C1QTNF1: variants seen among roughly 807,000 people sequenced by gnomAD.
C1QTNF1 encodes complement C1q tumor necrosis factor-related protein 1.
C1QTNF1 carries 22 observed loss-of-function variants against 27.8 expected under a neutral mutation model. The ratio of observed to expected loss-of-function variants is 0.79; its 90% confidence interval spans 0.56 to 1.13. The LOEUF (loss-of-function observed/expected upper bound fraction) is 1.13. C1QTNF1 is among the 50% of genes most tolerant of loss of function. The pLI is 0.00. For synonymous variants in C1QTNF1, 166 were observed against 154.3 expected, an observed-to-expected ratio of 1.08 and a Z score of -0.56; for missense variants, 373 against 380.2, an observed-to-expected ratio of 0.98 and a Z score of 0.16.
At chr17:79,041,513 C>T (rs923293151) in intron 1 of C1QTNF1, among the ~76,000 whole-genome samples, 3 of 152,180 alleles carry the variant, frequency 2.0e-5, no homozygotes, top group Non-Finnish European at 2.9e-5. Context: ...GGCCGTGGCT[C>T]ACGCCTGGAA....
intron 1 of C1QTNF1, among the ~76,000 whole-genome samples, chr17:79,041,316 T>C (rs2072401819): frequency 6.6e-6 from 1 of 151,884 alleles, no homozygotes; most frequent in Non-Finnish European, 1.5e-5. Context: ...TGGTGAAGAC[T>C]GGGTGTAGGT....
At position 79,044,000 on chromosome 17, in the gene C1QTNF1, C is replaced by T. The variant is rs1287641888; in HGVS notation, c.32C>T (p.Ala11Val). Residue 11 changes from alanine (A) to valine (V), a missense_variant, in exon 2 of 4, where the codon GCG (alanine) becomes GTG (valine). Transcript: ENST00000579760. MGSRGQGLLL[A>V]YCLLLAFASG... ...TCCCGTGGACAGGGACTCTTGCTGG[C>T]GTACTGCCTGCTCCTTGCCTTTGCC... The T allele has an allele frequency of 2.1e-5, 34 of 1,614,048 alleles. No homozygotes were observed. Among genetic ancestry groups the T allele is most frequent in the African/African-American group, 2.7e-5 (2 of 74,924 alleles).
chr17:79,037,920 C>T (rs191315961), intron 1 of C1QTNF1, among the ~76,000 whole-genome samples: 1 of 152,158 alleles, frequency 6.6e-6, no homozygotes, highest in East Asian at 1.9e-4. Context: ...AATCTACCCA[C>T]CTTGGCCTCC....
chr17:79,043,692 G>A (rs1209686022), intron 1 of C1QTNF1: 1 of 587,276 alleles, frequency 1.7e-6, no homozygotes, highest in Non-Finnish European at 3.2e-6. Context: ...TTGAGTGTGT[G>A]CATGTGTGGG....
At chr17:79,031,795 G>A (rs12949190) in intron 1 of C1QTNF1, among the ~76,000 whole-genome samples, 8,734 of 152,316 alleles carry the variant, frequency 0.057, 346 homozygotes, top group Middle Eastern at 0.13. Context: ...TGTAACCTTG[G>A]TGAATGGAGG....
At position 79,046,789 on chromosome 17, in the gene C1QTNF1, G is replaced by A. The variant is rs1419828532; in HGVS notation, c.295+95G>A. On this transcript the variant is annotated intron_variant, in intron 3 of 3. Coordinates refer to ENST00000579760, the MANE Select transcript of C1QTNF1 (RefSeq NM_030968.5). This position sits in a 1 kb window ranked among gnomAD's most constrained non-coding sequence, Gnocchi z 4.8. ...GTCGTTAGGGTGGGGCTAGGCGAGA[G>A]CAGAATGGCTCCCTCGGGACAGGGA... 1.3e-6 allele frequency: 2 copies of A among 1,498,586 alleles called. No homozygotes were observed. Among genetic ancestry groups the A allele is most frequent in the East Asian group, 2.3e-5 (1 of 43,754 alleles). The allele number at this position is 1,498,586 out of a possible 1,614,324, so 92.8% of individuals were successfully genotyped here.
intron 2 of C1QTNF1, among the ~76,000 whole-genome samples, chr17:79,045,439 G>C (rs942368583): frequency 6.6e-6 from 1 of 152,218 alleles, no homozygotes; most frequent in Non-Finnish European, 1.5e-5. Flanking sequence ...AAGAATGCCA[G>C]AGGGAGGCAG....
At chr17:79,034,577 G>A (rs932275727) in intron 1 of C1QTNF1, 1 of 152,270 alleles carries the variant, frequency 6.6e-6, no homozygotes, top group Non-Finnish European at 1.5e-5. Context: ...AAGATGGGAG[G>A]GAGATGCTTT....
Position 79,030,479 on chromosome 17 carries a change from CTTTCTT to C in C1QTNF1, c.-15+5993_-15+5998del, listed in dbSNP as rs1482029294. Among the ~76,000 whole-genome samples, 221 of 110,070 alleles carry C rather than the reference CTTTCTT, an allele frequency of 2.0e-3. 1 individual carries two copies. The highest frequency in any genetic ancestry group is 7.0e-3 in the African/African-American group (202 of 28,764). 72.2% of individuals were successfully genotyped at this position (110,070 alleles called of 152,430 possible). A position where few individuals can be genotyped will look rare whatever the true frequency, so the allele number is the denominator to read the frequency against. On this transcript the variant is annotated intron_variant, in intron 1 of 3. Coordinates refer to ENST00000579760, the MANE Select transcript of C1QTNF1 (RefSeq NM_030968.5). Reference sequence around the variant, plus strand: ...CTTTCTTTTCTTTCTTTCTTTCTTTCTTTCTTTTTCTTTCTTTCTTTCTTTCTTTCT... The same window carrying C: ...CTTTCTTTTCTTTCTTTCTTTCTTTCTTTCTTTCTTTCTTTCTTTCTTTCT...
At chr17:79,025,534 C>T (rs1010723481) in intron 1 of C1QTNF1, 3 of 152,320 alleles carry the variant, frequency 2.0e-5, no homozygotes, top group Non-Finnish European at 2.9e-5. Flanking sequence ...TTTTCTCCAC[C>T]GCTGGCCACT....
At chr17:79,042,333 C>T (rs1372221427) in intron 1 of C1QTNF1, among the ~76,000 whole-genome samples, 2 of 152,262 alleles carry the variant, frequency 1.3e-5, no homozygotes, top group African/African-American at 4.8e-5. Flanking sequence ...CAAGTGCCGC[C>T]CCTCGCGGGC....
Position 79,036,878 on chromosome 17 carries a change from T to A in C1QTNF1, c.-14-7077T>A, listed in dbSNP as rs143247278. 4.6e-5 allele frequency among the ~76,000 whole-genome samples: 7 copies of A among 152,304 alleles called. No homozygotes were observed. In the East Asian group the frequency reaches 7.7e-4, roughly 17 times the overall value. ...AAGGCTCCTTCCAATTCAAGGAGAT[T>A]ATAGGCTTCTTGCCTCTCAGAACAG... On this transcript the variant is annotated intron_variant, in intron 1 of 3. Coordinates refer to ENST00000579760, the MANE Select transcript of C1QTNF1 (RefSeq NM_030968.5).
chr17:79,043,255 G>C (rs2145922482), intron 1 of C1QTNF1: 2 of 447,754 alleles, frequency 4.5e-6, no homozygotes, highest in Middle Eastern at 7.0e-4. Flanking sequence ...GTATATGTAT[G>C]CATGTGTGTG....
At chr17:79,028,621 A>G (rs1229247168) in intron 1 of C1QTNF1, among the ~76,000 whole-genome samples, 4 of 152,222 alleles carry the variant, frequency 2.6e-5, no homozygotes, top group African/African-American at 4.8e-5. Flanking sequence ...AAGGATATCA[A>G]TGAGGGCAAG....
chr17:79,030,319 T>TTGTGTGTG (rs142110810), intron 1 of C1QTNF1, among the ~76,000 whole-genome samples: 11,300 of 147,844 alleles, frequency 0.076, 456 homozygotes, highest in Middle Eastern at 0.12. Flanking sequence ...CTTTGTGGTT[T>TTGTGTGTG]TGTGTGTGTG....
chr17:79,048,143 C>CCCAGGGCTCAGCACCAGGCTGACT lies in C1QTNF1; in HGVS notation c.*58_*59insGGGCTCAGCACCAGGCTGACTCCA. ...CCTTCCACCCCTGCGCTGTGCTGACCCCACCGCCTCTTCCCCGATCCCTGG... is the reference window on the plus strand; with the variant it reads ...CCTTCCACCCCTGCGCTGTGCTGACCCCAGGGCTCAGCACCAGGCTGACTCCACCGCCTCTTCCCCGATCCCTGG... On this transcript the variant is annotated 3_prime_UTR_variant, in exon 4 of 4. Transcript: ENST00000579760. The CCCAGGGCTCAGCACCAGGCTGACT allele has an allele frequency of 7.0e-7, 1 of 1,424,816 alleles. No individual in the cohort carries two copies. Among genetic ancestry groups the CCCAGGGCTCAGCACCAGGCTGACT allele is most frequent in the East Asian group, 2.5e-5 (1 of 40,152 alleles). The allele number at this position is 1,424,816 out of a possible 1,614,324, so 88.3% of individuals were successfully genotyped here.
chr17:79,038,091 G>A lies in C1QTNF1; in HGVS notation c.-14-5864G>A, dbSNP rs1444306360. The stretch of plus-strand genomic sequence containing the variant: ...CACAACCTCTGCCTCCTGAGTTCAA[G>A]CAATTCTCCTGCCTCAGCCTCCCGA... On this transcript the variant is annotated intron_variant, in intron 1 of 3. Coordinates refer to ENST00000579760, the MANE Select transcript of C1QTNF1 (RefSeq NM_030968.5). Among the ~76,000 whole-genome samples, 3 of 151,878 alleles carry A rather than the reference G, an allele frequency of 2.0e-5. No individual in the cohort carries two copies. The East Asian group carries it at 5.8e-4, about 29-fold the overall frequency.
chr17:79,044,274 A>G lies in C1QTNF1; in HGVS notation c.155+151A>G, dbSNP rs894908576. 6 of 886,722 alleles carry G rather than the reference A, an allele frequency of 6.8e-6. No homozygotes were observed. In the African/African-American group the frequency reaches 1.0e-4, roughly 15 times the overall value. 54.9% of individuals were successfully genotyped at this position (886,722 alleles called of 1,614,324 possible). On this transcript the variant is annotated intron_variant, in intron 2 of 3. Transcript: ENST00000579760. ...TGGCCCTGCTGGAGGCTGGTCCTGCAGGACAGACGAGCGATTCCTCCTTTC... is the reference window on the plus strand; with the variant it reads ...TGGCCCTGCTGGAGGCTGGTCCTGCGGGACAGACGAGCGATTCCTCCTTTC...
At chr17:79,042,135 G>T (rs1248448832) in intron 1 of C1QTNF1, among the ~76,000 whole-genome samples, 1 of 152,198 alleles carries the variant, frequency 6.6e-6, no homozygotes, top group Non-Finnish European at 1.5e-5. Context: ...CGGGGCCTGC[G>T]ACATTTCGAG....
Sources: gnomAD v4.1 joint callset for allele counts (sites outside exome capture counted in the v4.1 genomes callset) on GRCh38, gnomAD v4.1.1 for gene constraint, Gnocchi (gnomAD v3.1) non-coding constraint, MANE v1.5 for transcripts, NCBI Gene and HGNC (gene_info 2026-07-23, HGNC 2026-07-21) for gene names.